LSAMP: variants seen among roughly 807,000 people sequenced by gnomAD.
LSAMP encodes the protein limbic system-associated membrane protein.
Under a neutral mutation model 38.6 loss-of-function variants are expected in LSAMP, and 7 were observed. The ratio of observed to expected loss-of-function variants is 0.18; its 90% CI spans 0.10 to 0.34. The LOEUF is 0.34. Among genes scored for constraint, LSAMP ranks in the 10% least tolerant of loss-of-function variants. The pLI is 1.00. For missense variants in LSAMP, 313 were observed against 420.0 expected, an observed-to-expected ratio of 0.75 and a Z score of 2.23; for synonymous variants, 154 against 166.8, an observed-to-expected ratio of 0.92 and a Z score of 0.59.
chr3:115,867,729 T>A (rs1935901750), intron 3 of LSAMP, among the ~76,000 whole-genome samples: 1 of 152,078 alleles, frequency 6.6e-6, no homozygotes. Context: ...AGAAAAGAAA[T>A]CAGTTTTGTT....
chr3:116,328,077 G>A (rs1006417412), intron 1 of LSAMP, among the ~76,000 whole-genome samples: 11 of 152,162 alleles, frequency 7.2e-5, no homozygotes, highest in East Asian at 1.9e-4. Flanking sequence ...GTTGAGCCCC[G>A]AAGTGTTTAG....
chr3:116,289,383 GC>G (rs1297344723), intron 1 of LSAMP, among the ~76,000 whole-genome samples: 2 of 152,162 alleles, frequency 1.3e-5, no homozygotes, highest in African/African-American at 4.8e-5. Context: ...TGTTTAAACA[GC>G]AATTTCTACC....
intron 1 of LSAMP, among the ~76,000 whole-genome samples, chr3:116,133,516 T>C (rs1001911474): frequency 6.6e-6 from 1 of 152,064 alleles, no homozygotes; most frequent in African/African-American, 2.4e-5. Context: ...TCTCCCTATG[T>C]TGCCTAGGCT....
chr3:115,959,424 G>A (rs1165465053), intron 3 of LSAMP, among the ~76,000 whole-genome samples: 2 of 152,130 alleles, frequency 1.3e-5, no homozygotes, highest in African/African-American at 2.4e-5. Flanking sequence ...CTTATATGTT[G>A]TAAATCTGTG....
intron 1 of LSAMP, among the ~76,000 whole-genome samples, chr3:116,230,007 C>T (rs1393766843): frequency 1.3e-5 from 2 of 152,110 alleles, no homozygotes; most frequent in Non-Finnish European, 2.9e-5. Flanking sequence ...GATTACTGTG[C>T]TGTAAGCAGA....
At position 116,023,182 on chromosome 3, in the gene LSAMP, A is replaced by C. The variant is rs1192938082; in HGVS notation, c.389-3542T>G. 6.9e-5 allele frequency among the ~76,000 whole-genome samples: 10 copies of C among 145,804 alleles called. 1 individual carries two copies. Among genetic ancestry groups the C allele is most frequent in the East Asian group, 2.0e-4 (1 of 5,058 alleles). On this transcript the variant is annotated intron_variant, in intron 2 of 6. Coordinates refer to ENST00000490035, the MANE Select transcript of LSAMP (RefSeq NM_002338.5). ...TGTGTGTGTGTCTCTCTCTCTCTAT[A>C]TATATATACACACATATCAGATTCA...
chr3:115,986,621 A>C lies in LSAMP; in HGVS notation c.514+32894T>G, dbSNP rs576318184. On this transcript the variant is annotated intron_variant, in intron 3 of 6. Transcript: ENST00000490035. ...AAGCATATTTCCAAATACCCACTTC[A>C]GATGTGATTAAGGAAATAGTAGGTG... 4.1e-3 allele frequency among the ~76,000 whole-genome samples: 619 copies of C among 151,534 alleles called. 4 individuals carry two copies. The highest frequency in any genetic ancestry group is 0.014 in the African/African-American group (581 of 41,364).
At chr3:116,355,685 C>A (rs921774218) in intron 1 of LSAMP, among the ~76,000 whole-genome samples, 4 of 152,074 alleles carry the variant, frequency 2.6e-5, no homozygotes, top group African/African-American at 7.2e-5. Context: ...GCGAACTATC[C>A]ATCTGATAAG....
intron 3 of LSAMP, among the ~76,000 whole-genome samples, chr3:115,910,211 T>C (rs1264652781): frequency 1.3e-5 from 2 of 152,216 alleles, no homozygotes; most frequent in African/African-American, 2.4e-5. Flanking sequence ...TTGCTCAATC[T>C]TCTCTTTTTT....
intron 3 of LSAMP, among the ~76,000 whole-genome samples, chr3:115,857,662 T>C (rs1433271634): frequency 1.3e-5 from 2 of 152,208 alleles, no homozygotes; most frequent in African/African-American, 2.4e-5. Context: ...TTGCTTAATG[T>C]GTTTTTGTGT....
chr3:116,306,160 AG>A (rs1261769520), intron 1 of LSAMP, among the ~76,000 whole-genome samples: 1 of 152,124 alleles, frequency 6.6e-6, no homozygotes, highest in Non-Finnish European at 1.5e-5. Flanking sequence ...GTCCTCAAAT[AG>A]GTTGAAGTTT....
At chr3:116,122,493 G>A (rs1439915969) in intron 1 of LSAMP, among the ~76,000 whole-genome samples, 1 of 152,046 alleles carries the variant, frequency 6.6e-6, no homozygotes, top group African/African-American at 2.4e-5. Flanking sequence ...CTATCTTCCT[G>A]TAAAGTACTT....
Position 115,903,779 on chromosome 3 carries a change from A to G in LSAMP, c.515-51162T>C, listed in dbSNP as rs949656994. On this transcript the variant is annotated intron_variant, in intron 3 of 6. Transcript: ENST00000490035. Reference sequence around the variant, plus strand: ...AGGTTTTAATAGGTTAGGCAATACAATATATTTTATCAAATAATATCCTAT... The same window carrying G: ...AGGTTTTAATAGGTTAGGCAATACAGTATATTTTATCAAATAATATCCTAT... Among the ~76,000 whole-genome samples, 6 of 152,192 alleles carry G rather than the reference A, an allele frequency of 3.9e-5. No homozygotes were observed. The East Asian group carries it at 9.6e-4, about 24-fold the overall frequency.
At chr3:116,412,714 T>C (rs999922954) in intron 1 of LSAMP, among the ~76,000 whole-genome samples, 3 of 152,106 alleles carry the variant, frequency 2.0e-5, no homozygotes, top group Non-Finnish European at 4.4e-5. Flanking sequence ...TTTAATGTTA[T>C]TATTTAACAT....
In LSAMP at chr3:115,841,979, T is replaced by A; in HGVS notation, c.785A>T (p.Asn262Ile). 3 of 1,612,268 alleles carry A rather than the reference T, an allele frequency of 1.9e-6. No individual in the cohort carries two copies. Among genetic ancestry groups the A allele is most frequent in the African/African-American group, 1.3e-5 (1 of 74,940 alleles). The part of the protein sequence containing the change: ...YRDDTRINSA[N>I]GLEIKSTEGQ... Reference sequence around the variant, plus strand: ...CTCCGTGCTCTTAATCTCAAGGCCATTGGCACTATTTATCCTAAGAGTTCA... The same window carrying A: ...CTCCGTGCTCTTAATCTCAAGGCCAATGGCACTATTTATCCTAAGAGTTCA... The change falls in exon 6 of 7, where the codon AAT (asparagine) becomes ATT (isoleucine). Residue 262 changes from asparagine (N) to isoleucine (I), a missense_variant. Coordinates refer to ENST00000490035, the MANE Select transcript of LSAMP (RefSeq NM_002338.5).
intron 1 of LSAMP, among the ~76,000 whole-genome samples, chr3:116,137,027 C>A (rs78227441): frequency 2.0e-5 from 3 of 152,004 alleles, no homozygotes; most frequent in African/African-American, 2.4e-5. Context: ...AGGGAAGAAT[C>A]CTTCTTTGTC....
Position 116,403,857 on chromosome 3 carries a change from C to T in LSAMP, c.155+41020G>A, listed in dbSNP as rs572280984. On this transcript the variant is annotated intron_variant, in intron 1 of 6. Transcript: ENST00000490035. The stretch of plus-strand genomic sequence containing the variant: ...CCTCAAATTCCTGGGCTCAAGCAAT[C>T]CTCCAACCTTAGCCTTCTGAGCATC... Among the ~76,000 whole-genome samples the T allele has an allele frequency of 8.6e-5, 13 of 151,960 alleles. 1 individual carries two copies. The South Asian group carries it at 2.5e-3, about 29-fold the overall frequency.
intron 3 of LSAMP, among the ~76,000 whole-genome samples, chr3:116,006,992 A>C (rs966743566): frequency 9.9e-5 from 15 of 152,242 alleles, no homozygotes; most frequent in Non-Finnish European, 2.1e-4. Flanking sequence ...AAAAAAATTA[A>C]AGAAAAAAAG....
chr3:116,256,840 T>G (rs1489527521), intron 1 of LSAMP, among the ~76,000 whole-genome samples: 1 of 152,180 alleles, frequency 6.6e-6, no homozygotes, highest in African/African-American at 2.4e-5. Context: ...CTGACATCTA[T>G]CCACTGAGTC....
Sources: gnomAD v4.1 joint callset for allele counts (sites outside exome capture counted in the v4.1 genomes callset) on GRCh38, gnomAD v4.1.1 for gene constraint, MANE v1.5 for transcripts, NCBI Gene and HGNC (gene_info 2026-07-23, HGNC 2026-07-21) for gene names.